The following DMD variants were observed in gnomAD, a reference collection of about 807,000 sequenced individuals.
DMD encodes mutant dystrophin.
Under a neutral mutation model 330.1 loss-of-function variants are expected in DMD, and 63 were observed. The ratio of observed to expected loss-of-function variants is 0.19; its 90% confidence interval spans 0.16 to 0.24. The LOEUF (loss-of-function observed/expected upper bound fraction) is 0.24. DMD is among the 10% of genes least tolerant of loss of function. The pLI is 1.00. For missense variants in DMD, 3,344 were observed against 2,684.1 expected, an observed-to-expected ratio of 1.25 and a Z score of -5.43; for synonymous variants, 1,223 against 959.8, an observed-to-expected ratio of 1.27 and a Z score of -5.07.
chrX:32,193,007 C>T (rs1475151960), intron 44 of DMD, among the ~76,000 whole-genome samples: 1 of 111,765 alleles, frequency 8.9e-6, no homozygotes, highest in Non-Finnish European at 1.9e-5. Flanking sequence ...TGGTTTAACA[C>T]CATCCTCTTG....
chrX:32,791,682 A>G (rs1037632071), intron 7 of DMD, among the ~76,000 whole-genome samples: 3 of 112,033 alleles, frequency 2.7e-5, no homozygotes, highest in African/African-American at 9.7e-5. Flanking sequence ...AACCTACTCA[A>G]ACAAAAAATA....
intron 59 of DMD, among the ~76,000 whole-genome samples, chrX:31,469,808 A>G (rs928950040): frequency 5.4e-5 from 6 of 111,908 alleles, no homozygotes; most frequent in Non-Finnish European, 7.5e-5. Context: ...AGGTACACCA[A>G]TCAAATGTAG....
intron 44 of DMD, among the ~76,000 whole-genome samples, chrX:32,036,668 G>C (rs1403460752): frequency 9.0e-6 from 1 of 111,184 alleles, no homozygotes; most frequent in African/African-American, 3.3e-5. Context: ...AAAATGATTT[G>C]GGCTGGAATT....
At position 32,599,202 on chromosome X, in the gene DMD, T is replaced by C. The variant is rs773972164; in HGVS notation, c.1483-3326A>G. ...AAATAAATATTAGTGAATATAACTG[T>C]ATTAGCTAATCTCCTTAATATCAGC... is the stretch of plus-strand genomic sequence containing the variant. On this transcript the variant is annotated intron_variant, in intron 12 of 78. Transcript: ENST00000357033. 8.9e-5 allele frequency among the ~76,000 whole-genome samples: 10 copies of C among 112,109 alleles called. No homozygotes were observed. In the South Asian group the frequency reaches 3.6e-3, roughly 41 times the overall value.
intron 2 of DMD, among the ~76,000 whole-genome samples, chrX:32,955,275 C>T (rs1208293303): frequency 8.9e-6 from 1 of 111,889 alleles, no homozygotes; most frequent in Non-Finnish European, 1.9e-5. Context: ...TTTTGATTTG[C>T]ATTTCTCTAA....
intron 47 of DMD, among the ~76,000 whole-genome samples, chrX:31,908,554 A>T (rs1437842157): frequency 1.1e-5 from 1 of 95,081 alleles, no homozygotes; most frequent in Non-Finnish European, 2.1e-5. Flanking sequence ...AACATCACAC[A>T]CTGGGGCCTG....
intron 48 of DMD, among the ~76,000 whole-genome samples, chrX:31,857,880 T>C (rs2093641560): frequency 9.1e-6 from 1 of 110,374 alleles, no homozygotes; most frequent in African/African-American, 3.3e-5. Context: ...TTCTATATCA[T>C]GAATCACATA....
intron 55 of DMD, among the ~76,000 whole-genome samples, chrX:31,523,322 C>T (rs192841547): frequency 2.0e-4 from 22 of 110,947 alleles, no homozygotes; most frequent in African/African-American, 6.6e-4. Context: ...ACTTCACGGG[C>T]TTCTGCTACT....
At chrX:31,287,395 C>T (rs1019786121) in intron 62 of DMD, among the ~76,000 whole-genome samples, 11 of 112,470 alleles carry the variant, frequency 9.8e-5, no homozygotes, top group African/African-American at 3.6e-4. Context: ...AAAACACATT[C>T]TAAGTGGCAA....
chrX:31,890,626 T>A (rs908228002), intron 47 of DMD, among the ~76,000 whole-genome samples: 16 of 111,197 alleles, frequency 1.4e-4, no homozygotes, highest in African/African-American at 5.2e-4. Flanking sequence ...CTTGCCAATC[T>A]TCATGATTTT....
At chrX:32,368,687 T>C (rs754100330) in intron 34 of DMD, among the ~76,000 whole-genome samples, 1 of 111,112 alleles carries the variant, frequency 9.0e-6, no homozygotes, top group African/African-American at 3.3e-5. Flanking sequence ...AGCTCCTTAT[T>C]TATAGGGTTG....
Position 33,010,250 on chromosome X carries a change from A to ATATGTGTACATATGTGTG in DMD, c.93+9888_93+9889insCACACATATGTACACATA, listed in dbSNP as rs2093669089. Among the ~76,000 whole-genome samples, 5 of 102,703 alleles carry ATATGTGTACATATGTGTG rather than the reference A, an allele frequency of 4.9e-5. No individual in the cohort carries two copies. The South Asian group carries it at 2.1e-3, about 44-fold the overall frequency. 89.2% of individuals were successfully genotyped at this position (102,703 alleles called of 115,157 possible). On this transcript the variant is annotated intron_variant, in intron 2 of 78. Coordinates refer to ENST00000357033, the MANE Select transcript of DMD (RefSeq NM_004006.3). ...TGTGTATATATGTACATATGTGTGT[A>ATATGTGTACATATGTGTG]TATATGTACAAATATGTGTGTATAT...
chrX:31,851,084 C>A (rs2149554086), intron 48 of DMD, among the ~76,000 whole-genome samples: 1 of 111,926 alleles, frequency 8.9e-6, no homozygotes, highest in African/African-American at 3.2e-5. Context: ...CAACATTGTT[C>A]AGTTGAGTTT....
intron 33 of DMD, 76 bp downstream of exon 33, chrX:32,386,234 C>A (rs1311123342): frequency 2.7e-6 from 3 of 1,106,857 alleles, no homozygotes; most frequent in Non-Finnish European, 3.7e-6. Flanking sequence ...TCTAATCATA[C>A]ATAATTTATT....
chrX:32,923,956 A>T lies in DMD; in HGVS notation c.94-74136T>A, dbSNP rs181220488. Among the ~76,000 whole-genome samples the T allele has an allele frequency of 1.1e-3, 119 of 112,128 alleles. 1 individual carries two copies. In the East Asian group the frequency reaches 0.032, roughly 30 times the overall value. ...GAATTATGTTTAAATTTATAGATGC[A>T]TTAAAAACTATCAAGTTTAAACATT... is the stretch of plus-strand genomic sequence containing the variant. On this transcript the variant is annotated intron_variant, in intron 2 of 78. Coordinates refer to ENST00000357033, the MANE Select transcript of DMD (RefSeq NM_004006.3).
At chrX:32,117,821 T>A (rs1163300716) in intron 44 of DMD, among the ~76,000 whole-genome samples, 1 of 111,520 alleles carries the variant, frequency 9.0e-6, no homozygotes, top group African/African-American at 3.3e-5. Context: ...TGGATAGGGA[T>A]CTTCTATATG....
chrX:32,665,726 G>A (rs1477879614), intron 9 of DMD, among the ~76,000 whole-genome samples: 2 of 111,933 alleles, frequency 1.8e-5, no homozygotes, highest in Non-Finnish European at 3.8e-5. Flanking sequence ...AATATGAACT[G>A]AGAAGTAGGA....
intron 1 of DMD, among the ~76,000 whole-genome samples, chrX:33,064,382 G>A (rs5972745): frequency 0.029 from 3,212 of 110,705 alleles, 115 homozygotes; most frequent in African/African-American, 0.099. Flanking sequence ...TCCTTTAATT[G>A]TTACTTCTTT....
At chrX:31,490,358 C>A (rs895448944) in intron 57 of DMD, among the ~76,000 whole-genome samples, 1 of 111,083 alleles carries the variant, frequency 9.0e-6, no homozygotes, top group Non-Finnish European at 1.9e-5. Flanking sequence ...GTCAGGAGAT[C>A]GAGACCATCC....
Sources: gnomAD v4.1 joint callset for allele counts (sites outside exome capture counted in the v4.1 genomes callset) on GRCh38, gnomAD v4.1.1 for gene constraint, MANE v1.5 for transcripts, NCBI Gene and HGNC (gene_info 2026-07-23, HGNC 2026-07-21) for gene names.